The following PLEKHA7 variants were observed in gnomAD, a reference collection of about 807,000 sequenced individuals.
The protein encoded by PLEKHA7 is pleckstrin homology domain containing A7.
A neutral mutation model predicts 170.0 loss-of-function variants in PLEKHA7; 104 were observed. That is an observed-to-expected ratio of 0.61 (90% CI 0.52 to 0.72). PLEKHA7 has a LOEUF of 0.72. PLEKHA7 is among the 30% of genes least tolerant of loss of function. The pLI is 0.00. For synonymous variants in PLEKHA7, 648 were observed against 660.8 expected (o/e 0.98, Z 0.30); for missense variants, 1,615 against 1,671.7 (o/e 0.97, Z 0.59).
chr11:16,960,188 G>C (rs1206677852), intron 3 of PLEKHA7, among the ~76,000 whole-genome samples: 1 of 152,134 alleles, frequency 6.6e-6, no homozygotes, highest in East Asian at 1.9e-4. Flanking sequence ...CGCTGACCCT[G>C]TTCCCTTTTG....
At chr11:16,874,894 A>G (rs1379945865) in intron 3 of PLEKHA7, among the ~76,000 whole-genome samples, 1 of 152,168 alleles carries the variant, frequency 6.6e-6, no homozygotes, top group East Asian at 1.9e-4. Flanking sequence ...CCACCACTTC[A>G]TATACACTGC....
chr11:16,816,706 T>C, intron 11 of PLEKHA7, 94 bp downstream of exon 11: 2 of 1,431,344 alleles, frequency 1.4e-6, no homozygotes, highest in East Asian at 2.3e-5. Flanking sequence ...CTATCATTAT[T>C]ATCCCAAATT....
chr11:17,002,882 C>T (rs2137054068), intron 3 of PLEKHA7, among the ~76,000 whole-genome samples: 1 of 151,876 alleles, frequency 6.6e-6, no homozygotes, highest in African/African-American at 2.4e-5. Flanking sequence ...TCCACTCCTT[C>T]CCCCCAACAC....
At position 16,873,500 on chromosome 11, in the gene PLEKHA7, G is replaced by A. The variant is rs144358485; in HGVS notation, c.222-2318C>T. On this transcript the variant is annotated intron_variant, in intron 3 of 26. Transcript: ENST00000531066. ...CCTGCTCCTGGTCCCAGGCAAGCCC[G>A]TGGAATTCTATGACCTCATTTGGCA... is the stretch of plus-strand genomic sequence containing the variant. Among the ~76,000 whole-genome samples, 94 of 152,282 alleles carry A rather than the reference G, an allele frequency of 6.2e-4. 1 individual carries two copies. In the East Asian group the frequency reaches 0.017, roughly 28 times the overall value.
chr11:16,808,227 T>C (rs1264702118), intron 13 of PLEKHA7, among the ~76,000 whole-genome samples: 7 of 152,244 alleles, frequency 4.6e-5, no homozygotes, highest in African/African-American at 1.7e-4. Context: ...ACCTGAATAT[T>C]ACCAATTAAA....
intron 17 of PLEKHA7, among the ~76,000 whole-genome samples, chr11:16,800,233 A>C (rs1416948879): frequency 6.6e-6 from 1 of 152,210 alleles, no homozygotes; most frequent in African/African-American, 2.4e-5. Context: ...TTTCCACTTA[A>C]AAAATTGTGA....
chr11:17,005,753 A>G (rs534806070), intron 3 of PLEKHA7, among the ~76,000 whole-genome samples: 5 of 152,316 alleles, frequency 3.3e-5, no homozygotes, highest in Non-Finnish European at 7.3e-5. Flanking sequence ...GAGATGTGGT[A>G]TAAATCATGG....
chr11:16,934,897 T>C (rs1475691865), intron 3 of PLEKHA7, among the ~76,000 whole-genome samples: 1 of 151,996 alleles, frequency 6.6e-6, no homozygotes, highest in East Asian at 1.9e-4. Flanking sequence ...AAAAAAAGAG[T>C]CTGGTTATAA....
At chr11:16,989,813 C>T (rs986947351) in intron 3 of PLEKHA7, among the ~76,000 whole-genome samples, 3 of 152,198 alleles carry the variant, frequency 2.0e-5, no homozygotes, top group African/African-American at 7.2e-5. Context: ...CCAATGCCCA[C>T]ATAAGCTTTG....
Position 16,791,613 on chromosome 11 carries a change from G to A in PLEKHA7, c.2746-414C>T, listed in dbSNP as rs1182845257. On this transcript the variant is annotated intron_variant, in intron 19 of 26. Coordinates refer to ENST00000531066, the MANE Select transcript of PLEKHA7 (RefSeq NM_001329630.2). This position sits in a 1 kb window ranked among gnomAD's most constrained non-coding sequence, Gnocchi z 4.5. Reference sequence around the variant, plus strand: ...CTGGAGAGTAACATCTACCCACTCAGCAGTGCTCAGCCTGAGCCGGCTCAT... The same window carrying A: ...CTGGAGAGTAACATCTACCCACTCAACAGTGCTCAGCCTGAGCCGGCTCAT... The A allele has an allele frequency of 4.3e-6, 2 of 463,546 alleles. No individual in the cohort carries two copies. The highest frequency in any genetic ancestry group is 8.6e-6 in the Non-Finnish European group (2 of 232,008). The allele number at this position is 463,546 out of a possible 1,614,324, so 28.7% of individuals were successfully genotyped here. A position where few individuals can be genotyped will look rare whatever the true frequency, so the allele number is the denominator to read the frequency against.
intron 3 of PLEKHA7, among the ~76,000 whole-genome samples, chr11:16,937,907 C>T (rs781680505): frequency 5.9e-5 from 9 of 152,108 alleles, no homozygotes; most frequent in South Asian, 4.1e-4. Context: ...AGCACTCAGA[C>T]GATGTTTTTC....
At position 16,817,069 on chromosome 11, in the gene PLEKHA7, G is replaced by A. The variant is rs376210843; in HGVS notation, c.1597C>T (p.Arg533Trp). Reference sequence around the variant, plus strand: ...ATGGGCGCTGTGGGGCTGCCGTGCCGGAACTGCTGGCGCTGCTGCCACTCG... The same window carrying A: ...ATGGGCGCTGTGGGGCTGCCGTGCCAGAACTGCTGGCGCTGCTGCCACTCG... Reference protein sequence around the residue: ...LYEWQQRQQFRHGSPTAPICL... With the variant: ...LYEWQQRQQFWHGSPTAPICL... The change falls in exon 11 of 27, where the codon CGG (arginine) becomes TGG (tryptophan). Residue 533 changes from arginine to tryptophan, a missense_variant. Arg to Trp is a moderately radical substitution (Grantham distance 101). Coordinates refer to ENST00000531066, the MANE Select transcript of PLEKHA7 (RefSeq NM_001329630.2). This position sits in a 1 kb window ranked among gnomAD's most constrained non-coding sequence, Gnocchi z 4.4. The A allele has an allele frequency of 4.0e-5, 64 of 1,612,152 alleles. No homozygotes were observed. Among genetic ancestry groups the A allele is most frequent in the South Asian group, 5.5e-5 (5 of 90,860 alleles).
chr11:16,913,828 C>T (rs1041584792), intron 3 of PLEKHA7, among the ~76,000 whole-genome samples: 2 of 152,206 alleles, frequency 1.3e-5, no homozygotes, highest in African/African-American at 4.8e-5. Flanking sequence ...CCTCACCACA[C>T]CATAACTTTT....
chr11:17,008,021 G>A (rs1218950772), intron 3 of PLEKHA7, among the ~76,000 whole-genome samples: 1 of 152,130 alleles, frequency 6.6e-6, no homozygotes, highest in Non-Finnish European at 1.5e-5. Context: ...CTGAGGCTCT[G>A]CAAATTATGT....
intron 3 of PLEKHA7, among the ~76,000 whole-genome samples, chr11:16,889,420 A>AAAAATATATATAT (rs61086849): frequency 4.0e-5 from 3 of 74,686 alleles, no homozygotes; most frequent in African/African-American, 1.3e-4. Context: ...AAAAAAAAAA[A>AAAAATATATATAT]ATATATATAT....
chr11:17,006,355 G>A (rs910636040), intron 3 of PLEKHA7, among the ~76,000 whole-genome samples: 21 of 149,352 alleles, frequency 1.4e-4, no homozygotes, highest in African/African-American at 4.2e-4. Flanking sequence ...GTCCAGGCAC[G>A]GTGGCTCACA....
At chr11:16,911,701 A>C (rs1858260979) in intron 3 of PLEKHA7, among the ~76,000 whole-genome samples, 1 of 152,038 alleles carries the variant, frequency 6.6e-6, no homozygotes, top group Non-Finnish European at 1.5e-5. Flanking sequence ...CACCTCTTTG[A>C]CCTGTCTTCT....
chr11:16,946,908 TA>T (rs1249814037), intron 3 of PLEKHA7, among the ~76,000 whole-genome samples: 2 of 152,236 alleles, frequency 1.3e-5, no homozygotes, highest in South Asian at 2.1e-4. Flanking sequence ...TTTTCAAGTT[TA>T]AAAACTCTCA....
chr11:16,863,372 T>C (rs1329465157), intron 4 of PLEKHA7, among the ~76,000 whole-genome samples: 4 of 151,900 alleles, frequency 2.6e-5, no homozygotes, highest in Non-Finnish European at 4.4e-5. Context: ...CAGACCCCAA[T>C]GGAAACAACA....
Sources: gnomAD v4.1 joint callset for allele counts (sites outside exome capture counted in the v4.1 genomes callset) on GRCh38, gnomAD v4.1.1 for gene constraint, Gnocchi (gnomAD v3.1) non-coding constraint, MANE v1.5 for transcripts, NCBI Gene and HGNC (gene_info 2026-07-23, HGNC 2026-07-21) for gene names.